IFNG: variants seen among roughly 807,000 people sequenced by gnomAD.
IFNG encodes the protein interferon gamma.
In IFNG, 8 loss-of-function variants were observed where a neutral mutation model predicts 14.4. That is an observed-to-expected ratio of 0.56 (90% CI 0.33 to 1.00). The LOEUF is 1.00. Ranked by LOEUF, IFNG falls within the 50% of genes least tolerant of loss-of-function variation. The probability of loss-of-function intolerance (pLI) is 0.03; values close to 1 mark genes in which losing one functional copy is unlikely to be tolerated. For synonymous variants in IFNG, 73 were observed against 65.4 expected, an observed-to-expected ratio of 1.12 and a Z score of -0.56; for missense variants, 132 against 194.9, an observed-to-expected ratio of 0.68 and a Z score of 1.92.
At chr12:68,159,296 T>G (rs1296062586) in intron 1 of IFNG, among the ~76,000 whole-genome samples, 2 of 152,192 alleles carry the variant, frequency 1.3e-5, no homozygotes, top group Non-Finnish European at 2.9e-5. Context: ...TAAATCCCTT[T>G]TAAGTCTCTA....
At position 68,158,063 on chromosome 12, in the gene IFNG, A is replaced by C. The variant is rs1882628384; in HGVS notation, c.216T>G (p.Ile72Met). 6.2e-7 allele frequency: 1 copy of C among 1,605,684 alleles called. No homozygotes were observed. The highest frequency in any genetic ancestry group is 8.5e-7 in the Non-Finnish European group (1 of 1,175,518). The stretch of plus-strand genomic sequence containing the variant: ...TAAAAAGTTTGAAGTAAAAGGAGAC[A>C]ATTTGGCTCTGCATTATTTTTCTGT... The part of the protein sequence containing the change: ...ESDRKIMQSQ[I>M]VSFYFKLFKN... Residue 72 changes from isoleucine to methionine, a missense_variant, in exon 3 of 4, where the codon ATT becomes ATG. Transcript: ENST00000229135.
At chr12:68,158,781 A>G (rs1019367479) in intron 1 of IFNG, among the ~76,000 whole-genome samples, 22 of 151,928 alleles carry the variant, frequency 1.4e-4, no homozygotes. Flanking sequence ...TCAATTGTGA[A>G]TGTCTGAATA....
intron 3 of IFNG, 34 bp from the exon 4 acceptor site, chr12:68,155,521 G>A (rs1882587720): frequency 2.5e-6 from 4 of 1,569,310 alleles, no homozygotes; most frequent in Non-Finnish European, 3.5e-6. Flanking sequence ...ATTAATTTCA[G>A]GCATATAAGC....
At position 68,154,884 on chromosome 12, in the gene IFNG, G is replaced by T. The variant is rs186409216; in HGVS notation, c.*469C>A. On this transcript the variant is annotated 3_prime_UTR_variant, in exon 4 of 4. Coordinates refer to ENST00000229135, the MANE Select transcript of IFNG (RefSeq NM_000619.3). The stretch of plus-strand genomic sequence containing the variant: ...AACAATATTTGGAAGCACCAGGCAT[G>T]AAATCTCCTGAGATGCTATGTTTTC... The T allele has an allele frequency of 6.5e-6, 1 of 153,012 alleles. No individual in the cohort carries two copies. Among genetic ancestry groups the T allele is most frequent in the African/African-American group, 2.4e-5 (1 of 41,592 alleles). The allele number at this position is 153,012 out of a possible 1,614,324, so 9.5% of individuals were successfully genotyped here.
chr12:68,157,917 T>A lies in IFNG; in HGVS notation c.362A>T (p.Tyr121Phe), dbSNP rs756367772. ...AAAGAATTTAAATAGCCTCACCGAATAATTAGTCAGCTTTTCGAAGTCATC... is the reference window on the plus strand; with the variant it reads ...AAAGAATTTAAATAGCCTCACCGAAAAATTAGTCAGCTTTTCGAAGTCATC... Reference protein sequence around the residue: ...KRDDFEKLTNYSVTDLNVQRK... With the variant: ...KRDDFEKLTNFSVTDLNVQRK... The change falls in exon 3 of 4, where the codon TAT becomes TTT. Residue 121 changes from tyrosine (Y) to phenylalanine (F), a missense_variant. Tyr to Phe is a conservative substitution (Grantham distance 22). Transcript: ENST00000229135. The A allele has an allele frequency of 6.3e-7, 1 of 1,592,046 alleles. No individual in the cohort carries two copies. Among genetic ancestry groups the A allele is most frequent in the Non-Finnish European group, 8.6e-7 (1 of 1,167,820 alleles).
intron 3 of IFNG, among the ~76,000 whole-genome samples, chr12:68,157,587 T>C (rs1304825209): frequency 6.6e-6 from 1 of 152,204 alleles, no homozygotes; most frequent in Non-Finnish European, 1.5e-5. Context: ...ATTTCCATCA[T>C]ATGAGCAAGG....
In IFNG at chr12:68,158,261, T is replaced by TAAA; in HGVS notation, c.115-5_115-3dup. On this transcript the variant is annotated splice_region_variant and splice_polypyrimidine_tract_variant and intron_variant, in intron 1 of 3. Transcript: ENST00000229135. ...CGCTACATCTGAATGACCTGCATTCTAAAAAAAAAAAAAGAAAAAATTGGT... is the reference window on the plus strand; with the variant it reads ...CGCTACATCTGAATGACCTGCATTCTAAAAAAAAAAAAAAAAGAAAAAATTGGT... The TAAA allele has an allele frequency of 7.4e-7, 1 of 1,355,022 alleles. No homozygotes were observed. Among genetic ancestry groups the TAAA allele is most frequent in the Non-Finnish European group, 1.0e-6 (1 of 1,001,922 alleles). The allele number at this position is 1,355,022 out of a possible 1,614,324, so 83.9% of individuals were successfully genotyped here.
At position 68,159,704 on chromosome 12, in the gene IFNG, C is replaced by T; in HGVS notation, c.-89G>A. 1 of 623,380 alleles carries T rather than the reference C, an allele frequency of 1.6e-6. No individual in the cohort carries two copies. Among genetic ancestry groups the T allele is most frequent in the South Asian group, 2.0e-5 (1 of 49,582 alleles). The allele number at this position is 623,380 out of a possible 1,614,324, so 38.6% of individuals were successfully genotyped here. A position where few individuals can be genotyped will look rare whatever the true frequency, so the allele number is the denominator to read the frequency against. ...TCCAAAGGACTTAACTGATCTTTCTCTTCTAATAGCTGATCTTCAGATGAT... is the reference window on the plus strand; with the variant it reads ...TCCAAAGGACTTAACTGATCTTTCTTTTCTAATAGCTGATCTTCAGATGAT... On this transcript the variant is annotated 5_prime_UTR_variant, in exon 1 of 4. Coordinates refer to ENST00000229135, the MANE Select transcript of IFNG (RefSeq NM_000619.3).
Position 68,158,186 on chromosome 12 carries a change from C to T in IFNG, c.183+5G>A, listed in dbSNP as rs201353426. ...AAATTAGCCAAATGGGAATATTCAG[C>T]TTACCTCTTTCCAATTCTTCAAAAT... On this transcript the variant is annotated splice_donor_5th_base_variant and intron_variant, in intron 2 of 3. Transcript: ENST00000229135. 6.8e-6 allele frequency: 11 copies of T among 1,608,954 alleles called. No homozygotes were observed. In the East Asian group the frequency reaches 2.2e-4, roughly 33 times the overall value.
At position 68,158,271 on chromosome 12, in the gene IFNG, AAAAG is replaced by A. The variant is rs752356960; in HGVS notation, c.115-16_115-13del. 6.3e-7 allele frequency: 1 copy of A among 1,577,562 alleles called. No individual in the cohort carries two copies. The highest frequency in any genetic ancestry group is 1.2e-5 in the South Asian group (1 of 84,230). On this transcript the variant is annotated splice_polypyrimidine_tract_variant and intron_variant, in intron 1 of 3. Transcript: ENST00000229135. ...GAATGACCTGCATTCTAAAAAAAAA[AAAAG>A]AAAAAATTGGTTTACAATTAGCCCA... is the stretch of plus-strand genomic sequence containing the variant.
chr12:68,155,620 T>C, intron 3 of IFNG, 133 bp from the exon 4 acceptor site: 1 of 657,272 alleles, frequency 1.5e-6, no homozygotes, highest in Non-Finnish European at 2.3e-6. Context: ...ATATACAATA[T>C]TTACTTCTTC....
rs1373222170 is a variant in IFNG at position 68,158,254 on chromosome 12, T to C, written c.120A>G (p.Ala40=). The C allele has an allele frequency of 1.3e-6, 2 of 1,538,712 alleles. No individual in the cohort carries two copies. Among genetic ancestry groups the C allele is most frequent in the Non-Finnish European group, 1.7e-6 (2 of 1,153,370 alleles). The change falls in exon 2 of 4, where the codon GCA becomes GCG. Residue 40 remains alanine (A), a synonymous_variant. Coordinates refer to ENST00000229135, the MANE Select transcript of IFNG (RefSeq NM_000619.3). The part of the protein sequence containing the change: ...EAENLKKYFN[A]GHSDVADNGT... ...CATTATCCGCTACATCTGAATGACC[T>C]GCATTCTAAAAAAAAAAAAAGAAAA... is the stretch of plus-strand genomic sequence containing the variant.
chr12:68,158,164 T>C, intron 2 of IFNG, 27 bp downstream of exon 2: 2 of 1,599,736 alleles, frequency 1.3e-6, no homozygotes, highest in Non-Finnish European at 8.5e-7. Context: ...AACAGGAAAA[T>C]TAGCCAAATG....
chr12:68,155,955 T>C (rs1204427394), intron 3 of IFNG, among the ~76,000 whole-genome samples: 1 of 152,196 alleles, frequency 6.6e-6, no homozygotes, highest in Non-Finnish European at 1.5e-5. Context: ...TGAGTAACTA[T>C]AGGTCAATGA....
rs2120751320 is a variant in IFNG at position 68,159,591 on chromosome 12, C to A, written c.25G>T (p.Ala9Ser). Reference sequence around the variant, plus strand: ...CCCAAAACGATGCAGAGCTGAAAAGCCAAGATATAACTTGTATATTTCATC... The same window carrying A: ...CCCAAAACGATGCAGAGCTGAAAAGACAAGATATAACTTGTATATTTCATC... MKYTSYIL[A>S]FQLCIVLGSL... The change falls in exon 1 of 4, where the codon GCT (alanine) becomes TCT (serine). Residue 9 changes from alanine (A) to serine (S), a missense_variant. Transcript: ENST00000229135. 1 of 1,599,242 alleles carries A rather than the reference C, an allele frequency of 6.3e-7. No homozygotes were observed. Among genetic ancestry groups the A allele is most frequent in the South Asian group, 1.1e-5 (1 of 89,982 alleles).
chr12:68,159,400 A>T, intron 1 of IFNG, 102 bp downstream of exon 1: 2 of 589,394 alleles, frequency 3.4e-6, no homozygotes, highest in Non-Finnish European at 6.2e-6. Flanking sequence ...AAATCTCAAA[A>T]TGACTGCCTA....
At position 68,159,651 on chromosome 12, in the gene IFNG, C is replaced by A; in HGVS notation, c.-36G>T. ...AGAATTAAGCCAAAGAAGTTGAAATCAGTAGTTCTTGTATCAAGCTGATCA... is the reference window on the plus strand; with the variant it reads ...AGAATTAAGCCAAAGAAGTTGAAATAAGTAGTTCTTGTATCAAGCTGATCA... On this transcript the variant is annotated 5_prime_UTR_variant, in exon 1 of 4. Transcript: ENST00000229135. 1 of 1,129,636 alleles carries A rather than the reference C, an allele frequency of 8.9e-7. No homozygotes were observed. The highest frequency in any genetic ancestry group is 1.3e-6 in the Non-Finnish European group (1 of 753,440). 70.0% of individuals were successfully genotyped at this position (1,129,636 alleles called of 1,614,324 possible).
Position 68,155,216 on chromosome 12 carries a change from T to C in IFNG, c.*137A>G. ...TAATACATATATTAATAGATATTCA[T>C]TTTCATTACACAAAAGTTGCTATTA... is the stretch of plus-strand genomic sequence containing the variant. On this transcript the variant is annotated 3_prime_UTR_variant, in exon 4 of 4. Transcript: ENST00000229135. 1 of 515,712 alleles carries C rather than the reference T, an allele frequency of 1.9e-6. No homozygotes were observed. The highest frequency in any genetic ancestry group is 3.2e-6 in the Non-Finnish European group (1 of 308,076). 31.9% of individuals were successfully genotyped at this position (515,712 alleles called of 1,614,324 possible). A position where few individuals can be genotyped will look rare whatever the true frequency, so the allele number is the denominator to read the frequency against.
chr12:68,159,449 G>T (rs1182184272), intron 1 of IFNG, 53 bp downstream of exon 1: 4 of 819,672 alleles, frequency 4.9e-6, no homozygotes, highest in African/African-American at 1.7e-5. Context: ...ACAGCAAGTC[G>T]ATATTCAGTC....
Sources: allele counts gnomAD v4.1 joint callset (sites outside exome capture counted in the v4.1 genomes callset), GRCh38; gene constraint gnomAD v4.1.1; transcripts MANE v1.5; gene names NCBI Gene and HGNC (gene_info 2026-07-23, HGNC 2026-07-21).